The following GALNT13 variants were observed in gnomAD, a reference collection of about 807,000 sequenced individuals.
The protein encoded by GALNT13 is UDP-GalNAc:polypeptide N-acetylgalactosaminyltransferase 13.
A neutral mutation model predicts 64.2 loss-of-function variants in GALNT13; 28 were observed. That is an observed-to-expected ratio of 0.44 (90% confidence interval 0.32 to 0.60). The LOEUF is 0.60. GALNT13 is among the 20% of genes least tolerant of loss of function. GALNT13 has a pLI of 0.05. For missense variants in GALNT13, 577 were observed against 669.8 expected (o/e 0.86, Z 1.53); for synonymous variants, 214 against 224.6 (o/e 0.95, Z 0.42).
intron 10 of GALNT13, among the ~76,000 whole-genome samples, chr2:154,401,563 G>A (rs748654481): frequency 2.9e-4 from 44 of 152,050 alleles, no homozygotes; most frequent in Admixed American, 5.2e-4. Flanking sequence ...ACTCACCTGT[G>A]AACAAAGTGA....
In GALNT13 at chr2:154,453,743, G is replaced by A. The variant is rs1701961597; in HGVS notation, c.*3192G>A. On this transcript the variant is annotated 3_prime_UTR_variant, in exon 13 of 13. Transcript: ENST00000392825. ...TTCTCTAAATATTTCTTGAATTAAT[G>A]AACTGAAAAATGTGTGTTAAAGTTG... 1 of 152,028 alleles carries A rather than the reference G, an allele frequency of 6.6e-6. No homozygotes were observed. The highest frequency in any genetic ancestry group is 1.5e-5 in the Non-Finnish European group (1 of 68,006). The allele number at this position is 152,028 out of a possible 1,614,324, so 9.4% of individuals were successfully genotyped here. A position where few individuals can be genotyped will look rare whatever the true frequency, so the allele number is the denominator to read the frequency against.
the GALNT13 span, among the ~76,000 whole-genome samples, chr2:153,125,385 A>G: frequency 6.6e-6 from 1 of 152,262 alleles, no homozygotes; most frequent in East Asian, 1.9e-4. Context: ...AAAGGAGCTC[A>G]TGGGTCATTA....
At chr2:153,373,649 T>C in the GALNT13 span, among the ~76,000 whole-genome samples, 2 of 152,346 alleles carry the variant, frequency 1.3e-5, no homozygotes, top group East Asian at 1.9e-4. Context: ...ATATTCCCAA[T>C]GTTGGGTGAT....
the GALNT13 span, among the ~76,000 whole-genome samples, chr2:153,448,313 A>G: frequency 1.4e-4 from 21 of 152,176 alleles, no homozygotes; most frequent in Non-Finnish European, 2.9e-4. Flanking sequence ...CCTTGAAGCC[A>G]ACTTATTTTT....
At chr2:153,982,825 T>C (rs969802398) in intron 3 of GALNT13, among the ~76,000 whole-genome samples, 2 of 151,484 alleles carry the variant, frequency 1.3e-5, no homozygotes, top group Admixed American at 1.3e-4. Context: ...ATGACAGACA[T>C]ATTTAATCTG....
chr2:153,948,504 T>C (rs1423483628), intron 3 of GALNT13, among the ~76,000 whole-genome samples: 1 of 152,120 alleles, frequency 6.6e-6, no homozygotes, highest in African/African-American at 2.4e-5. Flanking sequence ...ATCCCATTAT[T>C]GTATATACCC....
At chr2:153,279,251 C>G in the GALNT13 span, among the ~76,000 whole-genome samples, 624 of 152,136 alleles carry the variant, frequency 4.1e-3, 6 homozygotes, top group African/African-American at 0.013. Flanking sequence ...GTTCCAGGAG[C>G]CTTTTAGAGG....
the GALNT13 span, among the ~76,000 whole-genome samples, chr2:153,755,172 G>A: frequency 6.6e-6 from 1 of 152,050 alleles, no homozygotes; most frequent in Admixed American, 6.6e-5. Context: ...CTGACTTTTT[G>A]ATCTTATAAA....
chr2:154,254,553 T>C (rs1238563008), intron 7 of GALNT13, among the ~76,000 whole-genome samples: 4 of 152,006 alleles, frequency 2.6e-5, no homozygotes, highest in African/African-American at 9.7e-5. Context: ...AGTATCACTA[T>C]GATAACAGAG....
At chr2:153,671,904 G>A in the GALNT13 span, among the ~76,000 whole-genome samples, 63 of 151,958 alleles carry the variant, frequency 4.1e-4, no homozygotes, top group Admixed American at 1.0e-3. Flanking sequence ...TTGCAATCCT[G>A]GTCTCTGATA....
At chr2:153,541,837 T>C in the GALNT13 span, among the ~76,000 whole-genome samples, 2 of 152,180 alleles carry the variant, frequency 1.3e-5, no homozygotes, top group Non-Finnish European at 2.9e-5. Flanking sequence ...AAATGGACAA[T>C]TTCCCCTGTA....
intron 2 of GALNT13, among the ~76,000 whole-genome samples, chr2:153,939,056 CA>C (rs113109189): frequency 2.0e-5 from 3 of 151,368 alleles, no homozygotes; most frequent in East Asian, 1.9e-4. Context: ...AAATAAGAAA[CA>C]AAAAAAACCC....
chr2:154,148,798 T>A (rs1335274829), intron 4 of GALNT13, among the ~76,000 whole-genome samples: 2 of 152,192 alleles, frequency 1.3e-5, no homozygotes, highest in Non-Finnish European at 2.9e-5. Context: ...TGTAAATTTG[T>A]TTGAGTTCAT....
chr2:154,253,475 T>G (rs373101789), intron 7 of GALNT13, among the ~76,000 whole-genome samples: 3 of 152,282 alleles, frequency 2.0e-5, no homozygotes, highest in African/African-American at 7.2e-5. Flanking sequence ...TTTTACATAG[T>G]TACAAAGCTT....
the GALNT13 span, among the ~76,000 whole-genome samples, chr2:153,301,756 T>C: frequency 6.6e-6 from 1 of 152,104 alleles, no homozygotes; most frequent in Non-Finnish European, 1.5e-5. Context: ...TAAGTGAGGT[T>C]ATATGGTCTT....
the GALNT13 span, among the ~76,000 whole-genome samples, chr2:153,593,704 C>A: frequency 6.6e-6 from 1 of 152,144 alleles, no homozygotes; most frequent in South Asian, 2.1e-4. Context: ...CTTTTTCTTA[C>A]AGCACAAATT....
At chr2:153,129,568 A>T in the GALNT13 span, among the ~76,000 whole-genome samples, 1 of 152,090 alleles carries the variant, frequency 6.6e-6, no homozygotes, top group African/African-American at 2.4e-5. Flanking sequence ...AGGTCAAGAG[A>T]TGGAGACCAT....
chr2:153,746,572 C>G, the GALNT13 span, among the ~76,000 whole-genome samples: 1 of 152,034 alleles, frequency 6.6e-6, no homozygotes, highest in Non-Finnish European at 1.5e-5. Flanking sequence ...TGATTCAGCA[C>G]TATTATGAAT....
At chr2:153,226,168 G>A in the GALNT13 span, among the ~76,000 whole-genome samples, 18 of 151,924 alleles carry the variant, frequency 1.2e-4, no homozygotes, top group East Asian at 2.1e-3. Context: ...TCCTGACCTC[G>A]TGATCCACCC....
Sources: allele counts gnomAD v4.1 joint callset (sites outside exome capture counted in the v4.1 genomes callset), GRCh38; gene constraint gnomAD v4.1.1; transcripts MANE v1.5; gene names NCBI Gene and HGNC (gene_info 2026-07-23, HGNC 2026-07-21).